Variants in HOXC10 observed in about 807,000 individuals in gnomAD.
The protein encoded by HOXC10 is homeobox C10.
In HOXC10, 15 loss-of-function variants were observed where a neutral mutation model predicts 26.0. The ratio of observed to expected loss-of-function variants is 0.58; its 90% confidence interval spans 0.39 to 0.89. HOXC10 has a LOEUF of 0.89. Ranked by LOEUF, HOXC10 falls within the 40% of genes least tolerant of loss-of-function variation. The pLI, the probability that HOXC10 is intolerant of heterozygous loss-of-function variation, is 0.00. For missense variants in HOXC10, 446 were observed against 451.9 expected (o/e 0.99, Z 0.12); for synonymous variants, 196 against 185.5 (o/e 1.06, Z -0.46).
chr12:53,988,898 C>T (rs943864498), intron 1 of HOXC10, among the ~76,000 whole-genome samples: 1 of 152,218 alleles, frequency 6.6e-6, no homozygotes, highest in South Asian at 2.1e-4. Flanking sequence ...AGCCAGGGTA[C>T]TCAGGATCTT....
chr12:53,989,207 A>G lies in HOXC10; in HGVS notation c.790A>G (p.Thr264Ala), dbSNP rs1939479192. 4 of 1,610,022 alleles carry G rather than the reference A, an allele frequency of 2.5e-6. No homozygotes were observed. Among genetic ancestry groups the G allele is most frequent in the Non-Finnish European group, 3.4e-6 (4 of 1,178,834 alleles). ...AGAAAACACCACAGGAAATTGGCTG[A>G]CAGCAAAGAGCGGAAGGAAGAAGAG... Reference protein sequence around the residue: ...KAENTTGNWLTAKSGRKKRCP... With the variant: ...KAENTTGNWLAAKSGRKKRCP... The change falls in exon 2 of 2, where the codon ACA becomes GCA. Residue 264 changes from threonine (T) to alanine (A), a missense_variant. Transcript: ENST00000303460.
chr12:53,988,856 G>C (rs1430159352), intron 1 of HOXC10, among the ~76,000 whole-genome samples: 1 of 152,250 alleles, frequency 6.6e-6, no homozygotes, highest in Non-Finnish European at 1.5e-5. Flanking sequence ...GCAAGGTTTA[G>C]GGAATCTGCC....
In HOXC10 at chr12:53,989,651, G is replaced by A. The variant is rs977827393; in HGVS notation, c.*205G>A. 1 of 602,682 alleles carries A rather than the reference G, an allele frequency of 1.7e-6. No individual in the cohort carries two copies. Among genetic ancestry groups the A allele is most frequent in the Non-Finnish European group, 2.9e-6 (1 of 345,130 alleles). 37.3% of individuals were successfully genotyped at this position (602,682 alleles called of 1,614,324 possible). A position where few individuals can be genotyped will look rare whatever the true frequency, so the allele number is the denominator to read the frequency against. ...CTTAAAGCATGAGAAATGGGGTGCC[G>A]GGATGTGGGGTGTGGTGTGTGCCCT... On this transcript the variant is annotated 3_prime_UTR_variant, in exon 2 of 2. Transcript: ENST00000303460.
In HOXC10 at chr12:53,985,325, A is replaced by G. The variant is rs1486617967; in HGVS notation, c.66A>G (p.Gly22=). The G allele has an allele frequency of 1.2e-6, 2 of 1,606,608 alleles. No homozygotes were observed. Among genetic ancestry groups the G allele is most frequent in the Admixed American group, 3.4e-5 (2 of 58,804 alleles). Residue 22 remains glycine, a synonymous_variant, in exon 1 of 2, where the codon GGA becomes GGG. Transcript: ENST00000303460. The part of the protein sequence containing the change: ...YAEPLAAPGG[G]ERYSRSAGMY... ...AGCCCTTGGCTGCGCCCGGCGGAGG[A>G]GAGCGCTATAGCCGGAGCGCAGGCA...
In HOXC10 at chr12:53,985,301, G is replaced by A. The variant is rs1303636494; in HGVS notation, c.42G>A (p.Glu14=). The stretch of plus-strand genomic sequence containing the variant: ...ATGTAACTCCGAACTCGTACGCGGA[G>A]CCCTTGGCTGCGCCCGGCGGAGGAG... The part of the protein sequence containing the change: ...PRNVTPNSYA[E]PLAAPGGGER... Residue 14 remains glutamate (E), a synonymous_variant, in exon 1 of 2, where the codon GAG becomes GAA. Transcript: ENST00000303460. 2 of 1,591,168 alleles carry A rather than the reference G, an allele frequency of 1.3e-6. No homozygotes were observed. Among genetic ancestry groups the A allele is most frequent in the Admixed American group, 1.8e-5 (1 of 55,310 alleles).
At position 53,985,533 on chromosome 12, in the gene HOXC10, G is replaced by T. The variant is rs769146968; in HGVS notation, c.274G>T (p.Val92Phe). Residue 92 changes from valine to phenylalanine, a missense_variant, in exon 1 of 2, where the codon GTT becomes TTT. Coordinates refer to ENST00000303460, the MANE Select transcript of HOXC10 (RefSeq NM_017409.4). Reference sequence around the variant, plus strand: ...AGCCGCCTATCGCCTGGAACAACCTGTTGGCAGGCCGCTGTCCTCCTGCTC... The same window carrying T: ...AGCCGCCTATCGCCTGGAACAACCTTTTGGCAGGCCGCTGTCCTCCTGCTC... ...PKAAYRLEQP[V>F]GRPLSSCSYP... The T allele has an allele frequency of 4.3e-6, 7 of 1,613,926 alleles. No homozygotes were observed. In the South Asian group the frequency reaches 7.7e-5, roughly 18 times the overall value.
At position 53,989,289 on chromosome 12, in the gene HOXC10, T is replaced by G; in HGVS notation, c.872T>G (p.Met291Arg). 1.9e-6 allele frequency: 3 copies of G among 1,614,226 alleles called. No homozygotes were observed. The highest frequency in any genetic ancestry group is 1.1e-5 in the South Asian group (1 of 91,086). The part of the protein sequence containing the change: ...LELEKEFLFN[M>R]YLTRERRLEI... The stretch of plus-strand genomic sequence containing the variant: ...TTGGAGAAAGAATTTCTGTTCAATA[T>G]GTATTTGACGCGAGAGCGCCGCCTG... The change falls in exon 2 of 2, where the codon ATG becomes AGG. Residue 291 changes from methionine to arginine, a missense_variant. By Grantham distance (91) the Met-to-Arg change is moderately conservative. Coordinates refer to ENST00000303460, the MANE Select transcript of HOXC10 (RefSeq NM_017409.4).
Position 53,989,488 on chromosome 12 carries a change from C to G in HOXC10, c.*42C>G. 1 of 1,569,106 alleles carries G rather than the reference C, an allele frequency of 6.4e-7. No individual in the cohort carries two copies. On this transcript the variant is annotated 3_prime_UTR_variant, in exon 2 of 2. Coordinates refer to ENST00000303460, the MANE Select transcript of HOXC10 (RefSeq NM_017409.4). ...CCTCCCTTCCCGCTCCTTCCTCTCC[C>G]CGCCCCTCCTCCCTTTGTGCCTGGT...
rs1939416558 is a variant in HOXC10 at position 53,985,481 on chromosome 12, G to T, written c.222G>T (p.Ser74=). The T allele has an allele frequency of 1.2e-6, 2 of 1,613,422 alleles. No individual in the cohort carries two copies. The highest frequency in any genetic ancestry group is 1.3e-5 in the African/African-American group (1 of 74,926). ...TCAACACCTATCCGTCCTACCTCTC[G>T]CAGCTGGACTCCTGGGGCGACCCCA... The part of the protein sequence containing the change: ...LALNTYPSYL[S]QLDSWGDPKA... The change falls in exon 1 of 2, where the codon TCG becomes TCT. Residue 74 remains serine (S), a synonymous_variant. Transcript: ENST00000303460.
At chr12:53,987,642 TTCCTC>T (rs1157760804) in intron 1 of HOXC10, among the ~76,000 whole-genome samples, 1 of 152,064 alleles carries the variant, frequency 6.6e-6, no homozygotes, top group Non-Finnish European at 1.5e-5. Flanking sequence ...GGCTCTCCCT[TTCCTC>T]TAGCTGTCCC....
chr12:53,988,162 C>T (rs1939466488), intron 1 of HOXC10, among the ~76,000 whole-genome samples: 1 of 152,160 alleles, frequency 6.6e-6, no homozygotes, highest in African/African-American at 2.4e-5. Context: ...GGCCAGGTTC[C>T]CTTCTGCTAC....
chr12:53,986,179 A>G, intron 1 of HOXC10, 169 bp downstream of exon 1: 1 of 742,010 alleles, frequency 1.3e-6, no homozygotes. Context: ...GTGGCGCGTC[A>G]CTTAGCTGGG....
intron 1 of HOXC10, among the ~76,000 whole-genome samples, chr12:53,986,940 C>T (rs1412887098): frequency 6.6e-6 from 1 of 152,070 alleles, no homozygotes; most frequent in Non-Finnish European, 1.5e-5. Flanking sequence ...TGGGGGCCTT[C>T]GGGATCTTTC....
chr12:53,988,213 C>G (rs568171804), intron 1 of HOXC10, among the ~76,000 whole-genome samples: 1 of 152,282 alleles, frequency 6.6e-6, no homozygotes, highest in South Asian at 2.1e-4. Context: ...GAATGTGTGT[C>G]AGGGATAGAG....
chr12:53,987,988 G>A (rs567471590), intron 1 of HOXC10, among the ~76,000 whole-genome samples: 4 of 152,040 alleles, frequency 2.6e-5, no homozygotes, highest in Non-Finnish European at 5.9e-5. Flanking sequence ...GTGTTTTCTG[G>A]TTCCTCTTAG....
rs371047038 is a variant in HOXC10 at position 53,985,552 on chromosome 12, C to T, written c.293C>T (p.Ser98Phe). The T allele has an allele frequency of 1.1e-5, 17 of 1,613,884 alleles. No individual in the cohort carries two copies. In the African/African-American group the frequency reaches 1.3e-4, roughly 13 times the overall value. The change falls in exon 1 of 2, where the codon TCC becomes TTC. Residue 98 changes from serine to phenylalanine, a missense_variant. Ser to Phe is a radical substitution (Grantham distance 155). Transcript: ENST00000303460. Reference protein sequence around the residue: ...LEQPVGRPLSSCSYPPSVKEE... With the variant: ...LEQPVGRPLSFCSYPPSVKEE... ...CAACCTGTTGGCAGGCCGCTGTCCTCCTGCTCCTACCCACCTAGTGTCAAG... is the reference window on the plus strand; with the variant it reads ...CAACCTGTTGGCAGGCCGCTGTCCTTCTGCTCCTACCCACCTAGTGTCAAG...
chr12:53,989,327 A>G lies in HOXC10; in HGVS notation c.910A>G (p.Thr304Ala). The G allele has an allele frequency of 3.1e-6, 5 of 1,614,202 alleles. No individual in the cohort carries two copies. Among genetic ancestry groups the G allele is most frequent in the South Asian group, 1.1e-5 (1 of 91,086 alleles). Reference protein sequence around the residue: ...TRERRLEISKTINLTDRQVKI... With the variant: ...TRERRLEISKAINLTDRQVKI... ...AGAGCGCCGCCTGGAGATTAGCAAG[A>G]CCATTAACCTTACAGACAGACAAGT... Residue 304 changes from threonine to alanine, a missense_variant, in exon 2 of 2, where the codon ACC (threonine) becomes GCC (alanine). Transcript: ENST00000303460.
In HOXC10 at chr12:53,989,477, C is replaced by G. The variant is rs781527084; in HGVS notation, c.*31C>G. 2 of 1,583,944 alleles carry G rather than the reference C, an allele frequency of 1.3e-6. No homozygotes were observed. The highest frequency in any genetic ancestry group is 2.3e-5 in the South Asian group (2 of 86,880). Reference sequence around the variant, plus strand: ...CGGCCTCTCCTCCTCCCTTCCCGCTCCTTCCTCTCCCCGCCCCTCCTCCCT... The same window carrying G: ...CGGCCTCTCCTCCTCCCTTCCCGCTGCTTCCTCTCCCCGCCCCTCCTCCCT... On this transcript the variant is annotated 3_prime_UTR_variant, in exon 2 of 2. Coordinates refer to ENST00000303460, the MANE Select transcript of HOXC10 (RefSeq NM_017409.4).
chr12:53,988,763 T>A (rs1445886565), intron 1 of HOXC10, among the ~76,000 whole-genome samples: 1 of 152,208 alleles, frequency 6.6e-6, no homozygotes, highest in African/African-American at 2.4e-5. Context: ...TGGACTCTGC[T>A]CTGGTCTGGG....
Sources: gnomAD v4.1 joint callset for allele counts (sites outside exome capture counted in the v4.1 genomes callset) on GRCh38, gnomAD v4.1.1 for gene constraint, MANE v1.5 for transcripts, NCBI Gene and HGNC (gene_info 2026-07-23, HGNC 2026-07-21) for gene names.